HDAC4: variants seen among roughly 807,000 people sequenced by gnomAD.
The protein encoded by HDAC4 is histone deacetylase A.
In HDAC4, 16 loss-of-function variants were observed where a neutral mutation model predicts 135.1. That is an observed-to-expected ratio of 0.12 (90% confidence interval 0.08 to 0.18). The LOEUF (loss-of-function observed/expected upper bound fraction) is 0.18, where lower values mean the gene tolerates loss of function less well. HDAC4 is among the 10% of genes least tolerant of loss of function. HDAC4 has a pLI of 1.00. For synonymous variants in HDAC4, 685 were observed against 653.4 expected (o/e 1.05, Z -0.74); for missense variants, 1,143 against 1,511.8 (o/e 0.76, Z 4.05).
intron 1 of HDAC4, among the ~76,000 whole-genome samples, chr2:239,381,746 G>C (rs772229445): frequency 6.6e-6 from 1 of 152,210 alleles, no homozygotes; most frequent in South Asian, 2.1e-4. Context: ...AGAATGTTCA[G>C]TGGCAACCCT....
At chr2:239,163,272 C>T (rs556058531) in intron 6 of HDAC4, among the ~76,000 whole-genome samples, 5 of 152,188 alleles carry the variant, frequency 3.3e-5, no homozygotes, top group Admixed American at 6.5e-5. Flanking sequence ...GGAGCGCTGT[C>T]GGAGCACAGA....
intron 25 of HDAC4, 55 bp from the exon 26 acceptor site, chr2:239,053,656 C>T: frequency 1.3e-6 from 2 of 1,559,160 alleles, no homozygotes; most frequent in East Asian, 2.3e-5. Context: ...GCAGGATGCA[C>T]TGAGGCCCGG....
chr2:239,164,581 A>G (rs966201194), intron 5 of HDAC4, among the ~76,000 whole-genome samples: 1 of 152,232 alleles, frequency 6.6e-6, no homozygotes, highest in Admixed American at 6.5e-5. Context: ...CCTGAACACA[A>G]GGCCTGTTAG....
intron 6 of HDAC4, chr2:239,162,010 CGTCCACT>C (rs2042827505): frequency 7.2e-6 from 3 of 416,934 alleles, no homozygotes; most frequent in Non-Finnish European, 1.5e-5. Context: ...CTCGGCCCCC[CGTCCACT>C]GTCCACTGAC....
chr2:239,147,424 T>TC (rs1168842466), intron 7 of HDAC4, among the ~76,000 whole-genome samples: 1 of 152,244 alleles, frequency 6.6e-6, no homozygotes, highest in African/African-American at 2.4e-5. Context: ...TGCCTGTAAC[T>TC]CCAATAATTC....
chr2:239,323,781 C>A (rs1049548423), intron 2 of HDAC4, among the ~76,000 whole-genome samples: 1 of 152,122 alleles, frequency 6.6e-6, no homozygotes, highest in Non-Finnish European at 1.5e-5. Context: ...CCGGGGCAGC[C>A]AATCACACAC....
At chr2:239,118,100 ACT>A (rs1459032190) in intron 12 of HDAC4, among the ~76,000 whole-genome samples, 1 of 151,970 alleles carries the variant, frequency 6.6e-6, no homozygotes, top group Non-Finnish European at 1.5e-5. Flanking sequence ...TGAGACGCAG[ACT>A]CACACACACA....
In HDAC4 at chr2:239,277,200, G is replaced by A. The variant is rs1284162401; in HGVS notation, c.23-40536C>T. Among the ~76,000 whole-genome samples, 3 of 152,362 alleles carry A rather than the reference G, an allele frequency of 2.0e-5. No individual in the cohort carries two copies. In the East Asian group the frequency reaches 5.8e-4, roughly 29 times the overall value. On this transcript the variant is annotated intron_variant, in intron 2 of 26. Coordinates refer to ENST00000543185, the MANE Select transcript of HDAC4 (RefSeq NM_001378414.1). Reference sequence around the variant, plus strand: ...AAGGATCAGTAAAAGAAGAAAACATGTATTTGGAGGACAACCATGCTCCCA... The same window carrying A: ...AAGGATCAGTAAAAGAAGAAAACATATATTTGGAGGACAACCATGCTCCCA...
chr2:239,266,115 C>G (rs1181029887), intron 2 of HDAC4, among the ~76,000 whole-genome samples: 1 of 152,194 alleles, frequency 6.6e-6, no homozygotes, highest in African/African-American at 2.4e-5. Flanking sequence ...CTGCTGAGAC[C>G]AGAGGTGAAC....
intron 22 of HDAC4, among the ~76,000 whole-genome samples, chr2:239,076,855 C>T (rs947548321): frequency 6.6e-6 from 1 of 152,190 alleles, no homozygotes; most frequent in Non-Finnish European, 1.5e-5. Flanking sequence ...CATCCACCCC[C>T]ACCTGAACCT....
intron 1 of HDAC4, among the ~76,000 whole-genome samples, chr2:239,391,027 A>G (rs1696166394): frequency 6.6e-6 from 1 of 152,244 alleles, no homozygotes; most frequent in Non-Finnish European, 1.5e-5. Flanking sequence ...GCCGTGGCAC[A>G]GTGTCCATCA....
At position 239,349,297 on chromosome 2, in the gene HDAC4, C is replaced by G. The variant is rs573085629; in HGVS notation, c.22+3381G>C. Among the ~76,000 whole-genome samples the G allele has an allele frequency of 2.0e-5, 3 of 152,300 alleles. No individual in the cohort carries two copies. In the East Asian group the frequency reaches 5.8e-4, roughly 29 times the overall value. On this transcript the variant is annotated intron_variant, in intron 2 of 26. Coordinates refer to ENST00000543185, the MANE Select transcript of HDAC4 (RefSeq NM_001378414.1). The surrounding 1 kb of genome is among the most constrained non-coding windows in gnomAD (Gnocchi z 5.7). The stretch of plus-strand genomic sequence containing the variant: ...CCCCGAACACCACGTTGCCAGGACT[C>G]GGCTCCTCGGCTCAAGGAAAAGGGA...
At chr2:239,077,434 C>T (rs951628153) in intron 22 of HDAC4, among the ~76,000 whole-genome samples, 3 of 152,378 alleles carry the variant, frequency 2.0e-5, no homozygotes, top group South Asian at 2.1e-4. Context: ...CCCAGTCCCC[C>T]GCTATCCTCC....
chr2:239,263,265 C>A (rs1575557863), intron 2 of HDAC4, among the ~76,000 whole-genome samples: 2 of 143,586 alleles, frequency 1.4e-5, no homozygotes, highest in Non-Finnish European at 3.0e-5. Context: ...GCCCTGAGGA[C>A]CCCCGCCCAG....
At chr2:239,064,329 C>T (rs557101906) in intron 24 of HDAC4, among the ~76,000 whole-genome samples, 167 of 152,332 alleles carry the variant, frequency 1.1e-3, no homozygotes, top group African/African-American at 3.9e-3. Context: ...GCCATGGCAG[C>T]AGCCCTGCTG....
chr2:239,110,784 T>G (rs775526065), intron 14 of HDAC4, among the ~76,000 whole-genome samples: 6 of 152,240 alleles, frequency 3.9e-5, no homozygotes, highest in South Asian at 2.1e-4. Flanking sequence ...AGGCAAGCCC[T>G]GCCAGAAGCC....
chr2:239,264,047 G>A (rs1459189786), intron 2 of HDAC4, among the ~76,000 whole-genome samples: 2 of 151,950 alleles, frequency 1.3e-5, no homozygotes, highest in Non-Finnish European at 2.9e-5. Context: ...GGGGCTCAAT[G>A]ACTGAAAACA....
chr2:239,224,377 G>A (rs1039469711), intron 3 of HDAC4, among the ~76,000 whole-genome samples: 8 of 152,150 alleles, frequency 5.3e-5, no homozygotes, highest in South Asian at 2.1e-4. Context: ...CATACGTCAC[G>A]TGGTGTCGCT....
Position 239,197,882 on chromosome 2 carries a change from T to TGTGTGTGTGC in HDAC4, c.95-7806_95-7805insGCACACACAC, listed in dbSNP as rs796837146. 8.1e-4 allele frequency among the ~76,000 whole-genome samples: 122 copies of TGTGTGTGTGC among 150,414 alleles called. 1 individual carries two copies. Among genetic ancestry groups the TGTGTGTGTGC allele is most frequent in the African/African-American group, 2.7e-3 (110 of 40,696 alleles). On this transcript the variant is annotated intron_variant, in intron 3 of 26. Coordinates refer to ENST00000543185, the MANE Select transcript of HDAC4 (RefSeq NM_001378414.1). ...GTGTGTGTGTGTGTGTGTGTGTGTGTGCTGAGTGTCACCCAGGCTGGACTG... is the reference window on the plus strand; with the variant it reads ...GTGTGTGTGTGTGTGTGTGTGTGTGTGTGTGTGTGCGCTGAGTGTCACCCAGGCTGGACTG...
Sources: allele counts gnomAD v4.1 joint callset (sites outside exome capture counted in the v4.1 genomes callset), GRCh38; gene constraint gnomAD v4.1.1; non-coding constraint Gnocchi (gnomAD v3.1); transcripts MANE v1.5; gene names NCBI Gene and HGNC (gene_info 2026-07-23, HGNC 2026-07-21).